Variants in DPP10 observed in about 807,000 individuals in gnomAD.
The protein encoded by DPP10 is dipeptidyl peptidase like 10.
A neutral mutation model predicts 120.9 loss-of-function variants in DPP10; 33 were observed. That is an observed-to-expected ratio of 0.27 (90% CI 0.21 to 0.37). The LOEUF (loss-of-function observed/expected upper bound fraction) is 0.37, where lower values mean the gene tolerates loss of function less well. DPP10 is among the 10% of genes least tolerant of loss of function. DPP10 has a pLI of 1.00. For synonymous variants in DPP10, 337 were observed against 326.1 expected (o/e 1.03, Z -0.36); for missense variants, 816 against 942.8 (o/e 0.87, Z 1.76).
At chr2:114,587,462 G>A (rs1051669631) in intron 1 of DPP10, among the ~76,000 whole-genome samples, 7 of 151,576 alleles carry the variant, frequency 4.6e-5, no homozygotes, top group African/African-American at 7.3e-5. Flanking sequence ...TAGGATCTAC[G>A]TTGAGTCATT....
chr2:115,190,679 G>C (rs571014553), intron 1 of DPP10, among the ~76,000 whole-genome samples: 2 of 152,144 alleles, frequency 1.3e-5, no homozygotes, highest in Non-Finnish European at 2.9e-5. Flanking sequence ...AAAGAGTCTC[G>C]CATGACTCAT....
At chr2:114,561,516 G>A (rs940004078) in intron 1 of DPP10, among the ~76,000 whole-genome samples, 2 of 152,100 alleles carry the variant, frequency 1.3e-5, no homozygotes, top group Non-Finnish European at 2.9e-5. Flanking sequence ...AGTTTTTGCT[G>A]TAGATATGTC....
At chr2:114,846,525 A>ACCG (rs1688560288) in intron 1 of DPP10, among the ~76,000 whole-genome samples, 3 of 152,102 alleles carry the variant, frequency 2.0e-5, no homozygotes, top group African/African-American at 7.2e-5. Context: ...AGACCCAAAT[A>ACCG]GGTAATGTGC....
chr2:115,610,267 C>T (rs1050323947), intron 5 of DPP10, among the ~76,000 whole-genome samples: 5 of 152,006 alleles, frequency 3.3e-5, no homozygotes, highest in African/African-American at 1.2e-4. Flanking sequence ...CAAGATATGG[C>T]GGCTGCATTT....
intron 1 of DPP10, among the ~76,000 whole-genome samples, chr2:115,199,080 C>CAT (rs1158464184): frequency 6.6e-6 from 1 of 152,034 alleles, no homozygotes; most frequent in East Asian, 1.9e-4. Flanking sequence ...TAATAGCTAA[C>CAT]ATTTATTGAA....
chr2:115,464,542 A>G (rs2074194480), intron 3 of DPP10, among the ~76,000 whole-genome samples: 1 of 152,134 alleles, frequency 6.6e-6, no homozygotes, highest in Admixed American at 6.5e-5. Flanking sequence ...GAGAGCTTCA[A>G]ACAAACATGT....
intron 1 of DPP10, among the ~76,000 whole-genome samples, chr2:114,819,743 G>C (rs972273563): frequency 1.3e-4 from 20 of 152,130 alleles, no homozygotes; most frequent in African/African-American, 4.6e-4. Context: ...TCTTTTGTGA[G>C]CATCTAACCA....
intron 5 of DPP10, among the ~76,000 whole-genome samples, chr2:115,604,532 T>G (rs2083570808): frequency 6.6e-6 from 1 of 152,186 alleles, no homozygotes; most frequent in Non-Finnish European, 1.5e-5. Flanking sequence ...ATAGTTCTGT[T>G]CTGTCAGGGT....
chr2:115,012,657 A>T (rs1702349696), intron 1 of DPP10, among the ~76,000 whole-genome samples: 1 of 152,164 alleles, frequency 6.6e-6, no homozygotes. Flanking sequence ...TCAAGGGAGC[A>T]CCCTGTGGGA....
At chr2:115,200,763 A>G (rs1225179217) in intron 1 of DPP10, among the ~76,000 whole-genome samples, 10 of 152,166 alleles carry the variant, frequency 6.6e-5, no homozygotes, top group Non-Finnish European at 1.5e-4. Context: ...TCGCAATTTT[A>G]TTACTGTTTA....
At chr2:115,218,775 C>G (rs1018442510) in intron 1 of DPP10, among the ~76,000 whole-genome samples, 2 of 152,068 alleles carry the variant, frequency 1.3e-5, no homozygotes, top group Non-Finnish European at 2.9e-5. Context: ...TTTATGGGCT[C>G]TACTAATCAG....
intron 1 of DPP10, among the ~76,000 whole-genome samples, chr2:115,105,420 G>GGT (rs1390748584): frequency 9.8e-6 from 1 of 101,616 alleles, no homozygotes; most frequent in Admixed American, 1.1e-4. Flanking sequence ...TGTGTCACAT[G>GGT]GTGAGAGAGA....
rs552997883 is a variant in DPP10 at position 114,731,511 on chromosome 2, G to A, written c.60+288673G>A. Among the ~76,000 whole-genome samples the A allele has an allele frequency of 4.6e-5, 7 of 152,186 alleles. No individual in the cohort carries two copies. The South Asian group carries it at 1.5e-3, about 32-fold the overall frequency. ...CTTCCGTGGGATACTTCTTTGTTCT[G>A]GTGGAAAACCTGATGCCTAAGTGTC... On this transcript the variant is annotated intron_variant, in intron 1 of 25. Transcript: ENST00000410059.
intron 5 of DPP10, among the ~76,000 whole-genome samples, chr2:115,597,103 C>T (rs1014580790): frequency 6.6e-6 from 1 of 152,114 alleles, no homozygotes. Context: ...ATCCCATTTG[C>T]ACATTGAATC....
intron 1 of DPP10, among the ~76,000 whole-genome samples, chr2:115,150,218 CTCAG>C (rs1201406374): frequency 1.3e-5 from 2 of 152,200 alleles, no homozygotes; most frequent in Admixed American, 6.5e-5. Context: ...GCCGCCTGCA[CTCAG>C]TCATTCGCCT....
intron 19 of DPP10, among the ~76,000 whole-genome samples, chr2:115,792,389 A>G (rs1684083698): frequency 6.6e-6 from 1 of 152,102 alleles, no homozygotes; most frequent in African/African-American, 2.4e-5. Flanking sequence ...TTTTATTTAG[A>G]TATTTTAATA....
At chr2:115,481,378 A>T (rs1056104779) in intron 3 of DPP10, among the ~76,000 whole-genome samples, 1 of 152,182 alleles carries the variant, frequency 6.6e-6, no homozygotes, top group Admixed American at 6.6e-5. Context: ...GCTAAGTAGA[A>T]AGGCAAAAGA....
At chr2:114,596,523 G>A (rs1006385841) in intron 1 of DPP10, among the ~76,000 whole-genome samples, 3 of 152,010 alleles carry the variant, frequency 2.0e-5, no homozygotes, top group African/African-American at 7.2e-5. Context: ...ATGCATAGAT[G>A]TCTTTACCCA....
intron 1 of DPP10, among the ~76,000 whole-genome samples, chr2:115,222,397 A>C (rs1411492598): frequency 6.6e-6 from 1 of 152,098 alleles, no homozygotes; most frequent in African/African-American, 2.4e-5. Flanking sequence ...TTGGGAGGTA[A>C]TTGAATCATG....
Sources: allele counts gnomAD v4.1 joint callset (sites outside exome capture counted in the v4.1 genomes callset), GRCh38; gene constraint gnomAD v4.1.1; transcripts MANE v1.5; gene names NCBI Gene and HGNC (gene_info 2026-07-23, HGNC 2026-07-21).